TXLNB: variants seen among roughly 807,000 people sequenced by gnomAD.
The protein encoded by TXLNB is beta-taxilin.
TXLNB carries 37 observed loss-of-function variants against 57.4 expected under a neutral mutation model. The ratio of observed to expected loss-of-function variants is 0.64; its 90% confidence interval spans 0.50 to 0.85. The LOEUF (loss-of-function observed/expected upper bound fraction) is 0.85. Ranked by LOEUF, TXLNB falls within the 40% of genes least tolerant of loss-of-function variation. The probability of loss-of-function intolerance (pLI) is 0.00; values close to 1 mark genes in which losing one functional copy is unlikely to be tolerated. For missense variants in TXLNB, 848 were observed against 825.6 expected (o/e 1.03, Z -0.33); for synonymous variants, 302 against 309.6 (o/e 0.98, Z 0.26).
intron 6 of TXLNB, 30 bp from the exon 7 acceptor site, chr6:139,255,668 G>T: frequency 6.3e-7 from 1 of 1,581,584 alleles, no homozygotes; most frequent in Non-Finnish European, 8.7e-7. Flanking sequence ...GTGGAAAGAT[G>T]GTCAGATTTG....
At chr6:139,178,645 G>C in the TXLNB span, 141 of 151,966 alleles carry the variant, frequency 9.3e-4, no homozygotes, top group African/African-American at 2.6e-3. Context: ...TGCGATCTCA[G>C]CTCACTGCAA....
At chr6:139,264,412 G>T (rs1344408390) in intron 4 of TXLNB, among the ~76,000 whole-genome samples, 2 of 147,920 alleles carry the variant, frequency 1.4e-5, no homozygotes, top group South Asian at 2.2e-4. Flanking sequence ...CTGAGTTGTT[G>T]TTTTTTTTTT....
At chr6:139,167,114 A>G in the TXLNB span, 4 of 1,614,188 alleles carry the variant, frequency 2.5e-6, no homozygotes, top group Admixed American at 1.7e-5. Flanking sequence ...CCACGTGCGC[A>G]TGGAAGACGA....
chr6:139,311,976 ACCC>A, the TXLNB span, among the ~76,000 whole-genome samples: 2 of 152,098 alleles, frequency 1.3e-5, no homozygotes, highest in Non-Finnish European at 1.5e-5. Flanking sequence ...CTAGTCTCAT[ACCC>A]TCATGACCTA....
In TXLNB at chr6:139,241,017, CTT is replaced by C. The variant is rs1477575493; in HGVS notation, c.*1507_*1508del. The stretch of plus-strand genomic sequence containing the variant: ...CCTTCCCTTTCCTCTCTCTCCCTCT[CTT>C]CTTTCCTGTTTCATTGTTGCAGCTA... On this transcript the variant is annotated 3_prime_UTR_variant, in exon 10 of 10. Transcript: ENST00000358430. The C allele has an allele frequency of 4.6e-5, 7 of 152,312 alleles. No individual in the cohort carries two copies. The highest frequency in any genetic ancestry group is 3.3e-4 in the Admixed American group (5 of 15,272). 9.4% of individuals were successfully genotyped at this position (152,312 alleles called of 1,614,324 possible). A position where few individuals can be genotyped will look rare whatever the true frequency, so the allele number is the denominator to read the frequency against.
chr6:139,211,906 A>G, the TXLNB span, among the ~76,000 whole-genome samples: 2 of 152,230 alleles, frequency 1.3e-5, no homozygotes, highest in Admixed American at 1.3e-4. Context: ...GAATAAAATG[A>G]ACTGTGAAGA....
intron 2 of TXLNB, among the ~76,000 whole-genome samples, chr6:139,283,653 C>T (rs1171596126): frequency 6.9e-6 from 1 of 144,616 alleles, no homozygotes; most frequent in African/African-American, 2.6e-5. Flanking sequence ...CTATGCCCAT[C>T]ACTATTTTAG....
At chr6:139,318,939 CTTT>C in the TXLNB span, among the ~76,000 whole-genome samples, 3,862 of 120,150 alleles carry the variant, frequency 0.032, 113 homozygotes, top group African/African-American at 0.12. Context: ...GTCTTCCTTC[CTTT>C]TTTTTTTTTT....
the TXLNB span, among the ~76,000 whole-genome samples, chr6:139,182,489 C>G: frequency 2.6e-5 from 4 of 152,188 alleles, no homozygotes; most frequent in Admixed American, 1.3e-4. Context: ...TACTTTAGAT[C>G]TTGCTTGTAT....
chr6:139,165,106 T>C, the TXLNB span, among the ~76,000 whole-genome samples: 1 of 152,122 alleles, frequency 6.6e-6, no homozygotes, highest in Non-Finnish European at 1.5e-5. Context: ...CTTCAAAAAA[T>C]CTCTATAAGG....
the TXLNB span, among the ~76,000 whole-genome samples, chr6:139,208,087 A>AG: frequency 1.3e-5 from 2 of 152,100 alleles, no homozygotes; most frequent in African/African-American, 4.8e-5. Context: ...AACAAAAAAA[A>AG]AGAGAGAGAG....
chr6:139,175,927 A>T, the TXLNB span, among the ~76,000 whole-genome samples: 3 of 152,298 alleles, frequency 2.0e-5, no homozygotes, highest in Non-Finnish European at 4.4e-5. Flanking sequence ...AATATGTTCG[A>T]TTATTGTTAA....
At chr6:139,195,798 G>A in the TXLNB span, among the ~76,000 whole-genome samples, 1 of 152,100 alleles carries the variant, frequency 6.6e-6, no homozygotes, top group African/African-American at 2.4e-5. Flanking sequence ...ATGCTAACTT[G>A]AGTTATTTCC....
the TXLNB span, among the ~76,000 whole-genome samples, chr6:139,171,809 CTTGTTG>C: frequency 4.0e-5 from 6 of 151,158 alleles, no homozygotes; most frequent in African/African-American, 1.2e-4. Context: ...TTTGTTTAAA[CTTGTTG>C]TTGTTGTTGT....
At chr6:139,315,494 T>G in the TXLNB span, among the ~76,000 whole-genome samples, 1 of 152,248 alleles carries the variant, frequency 6.6e-6, no homozygotes, top group African/African-American at 2.4e-5. Context: ...TTCATGTATC[T>G]CTGCATTCTT....
the TXLNB span, among the ~76,000 whole-genome samples, chr6:139,163,534 A>G: frequency 5.3e-5 from 8 of 151,970 alleles, no homozygotes; most frequent in South Asian, 1.7e-3. Flanking sequence ...TTGTATTTTT[A>G]GTAGAGATGG....
chr6:139,297,922 T>C, the TXLNB span, among the ~76,000 whole-genome samples: 1 of 152,222 alleles, frequency 6.6e-6, no homozygotes, highest in Non-Finnish European at 1.5e-5. Flanking sequence ...CGCATCATTC[T>C]ATACTGCTTC....
chr6:139,186,866 C>T, the TXLNB span, among the ~76,000 whole-genome samples: 1 of 152,216 alleles, frequency 6.6e-6, no homozygotes, highest in African/African-American at 2.4e-5. Context: ...AAAAAGACTA[C>T]ACCCTGTATG....
the TXLNB span, among the ~76,000 whole-genome samples, chr6:139,181,181 C>T: frequency 6.6e-6 from 1 of 152,220 alleles, no homozygotes; most frequent in South Asian, 2.1e-4. Context: ...GTCCTGATTT[C>T]CCTGAAATGC....
Sources: allele counts gnomAD v4.1 joint callset (sites outside exome capture counted in the v4.1 genomes callset), GRCh38; gene constraint gnomAD v4.1.1; transcripts MANE v1.5; gene names NCBI Gene and HGNC (gene_info 2026-07-23, HGNC 2026-07-21).